GFM1: variants seen among roughly 807,000 people sequenced by gnomAD.
GFM1 encodes the protein elongation factor G, mitochondrial.
GFM1 carries 62 observed loss-of-function variants against 96.2 expected under a neutral mutation model. That is an observed-to-expected ratio of 0.64 (90% confidence interval 0.53 to 0.80). The LOEUF is 0.80. GFM1 is among the 30% of genes least tolerant of loss of function. The pLI is 0.00. For missense variants in GFM1, 852 were observed against 916.6 expected, an observed-to-expected ratio of 0.93 and a Z score of 0.91; for synonymous variants, 282 against 312.9, an observed-to-expected ratio of 0.90 and a Z score of 1.04.
chr3:158,668,033 T>C (rs540741463), intron 13 of GFM1, among the ~76,000 whole-genome samples: 5 of 152,264 alleles, frequency 3.3e-5, no homozygotes, highest in African/African-American at 1.2e-4. Flanking sequence ...TTCACTCTTC[T>C]GAAAGCACAG....
chr3:158,673,503 CTTTTCTTTTTTT>C (rs1724567504), intron 13 of GFM1, among the ~76,000 whole-genome samples: 1 of 104,870 alleles, frequency 9.5e-6, no homozygotes, highest in African/African-American at 4.5e-5. Flanking sequence ...TTTTTCTTTT[CTTTTCTTTTTTT>C]TTTTTTTTTT....
At chr3:158,690,759 GGAAAA>G (rs1726242715) in intron 16 of GFM1, among the ~76,000 whole-genome samples, 2 of 152,092 alleles carry the variant, frequency 1.3e-5, no homozygotes, top group Admixed American at 1.3e-4. Context: ...AAGGCCTCCT[GGAAAA>G]CACTACTCTC....
chr3:158,649,101 T>A lies in GFM1; in HGVS notation c.633T>A (p.Phe211Leu). ...MQIPMGLEGN[F>L]KGIVDLIEER... ...TACCCATGGGTTTGGAGGGTAATTT[T>A]AAAGGTATTGTAGATCTTATTGAGG... is the stretch of plus-strand genomic sequence containing the variant. Residue 211 changes from phenylalanine to leucine, a missense_variant, in exon 5 of 18, where the codon TTT becomes TTA. Transcript: ENST00000486715. 6.3e-7 allele frequency: 1 copy of A among 1,579,580 alleles called. No homozygotes were observed.
intron 7 of GFM1, among the ~76,000 whole-genome samples, chr3:158,654,250 G>A (rs547856627): frequency 3.7e-4 from 40 of 108,068 alleles, no homozygotes; most frequent in East Asian, 3.0e-3. Context: ...AGTCTTGCTC[G>A]GTTTCTAGGC....
chr3:158,672,690 T>C (rs1299052261), intron 13 of GFM1: 2 of 491,278 alleles, frequency 4.1e-6, no homozygotes, highest in Non-Finnish European at 7.3e-6. Context: ...GGCTGACTGC[T>C]TCTGAGGCCC....
intron 6 of GFM1, 135 bp from the exon 7 acceptor site, chr3:158,653,175 C>T: frequency 1.5e-6 from 1 of 660,888 alleles, no homozygotes; most frequent in Non-Finnish European, 2.5e-6. Context: ...CATTGGAGAC[C>T]TGATTTTAGT....
Position 158,692,713 on chromosome 3 carries a change from G to C in GFM1, c.*1246G>C, listed in dbSNP as rs1237582291. 1.3e-5 allele frequency: 2 copies of C among 150,488 alleles called. No individual in the cohort carries two copies. Among genetic ancestry groups the C allele is most frequent in the Non-Finnish European group, 1.5e-5 (1 of 67,746 alleles). 9.3% of individuals were successfully genotyped at this position (150,488 alleles called of 1,614,324 possible). On this transcript the variant is annotated 3_prime_UTR_variant, in exon 18 of 18. Coordinates refer to ENST00000486715, the MANE Select transcript of GFM1 (RefSeq NM_024996.7). ...TTTTTTTAATTTTTATTTTTTTGTG[G>C]TAGGGTCTCACTCTATCCCCCAGGC...
Position 158,646,737 on chromosome 3 carries a change from A to T in GFM1, c.368-6A>T, listed in dbSNP as rs769610645. ...TTAAGACCCTCTCATACTTCATCTT[A>T]TTCAGGGCATGTGGACTTCACAATA... On this transcript the variant is annotated splice_polypyrimidine_tract_variant and splice_region_variant and intron_variant, in intron 3 of 17. Coordinates refer to ENST00000486715, the MANE Select transcript of GFM1 (RefSeq NM_024996.7). 2.5e-6 allele frequency: 4 copies of T among 1,611,328 alleles called. No homozygotes were observed. The highest frequency in any genetic ancestry group is 3.4e-5 in the Admixed American group (2 of 59,684).
chr3:158,666,898 TA>T, intron 13 of GFM1: 1 of 1,482,768 alleles, frequency 6.7e-7, no homozygotes, highest in South Asian at 1.3e-5. Flanking sequence ...ATCTGGTGCC[TA>T]TCTGGATTTA....
At chr3:158,678,130 T>G (rs1231491556) in intron 13 of GFM1, among the ~76,000 whole-genome samples, 1 of 152,220 alleles carries the variant, frequency 6.6e-6, no homozygotes, top group Non-Finnish European at 1.5e-5. Context: ...AAAAAAATGA[T>G]TCTTTCAAAA....
chr3:158,644,769 C>A, intron 1 of GFM1, 54 bp downstream of exon 1: 1 of 1,462,684 alleles, frequency 6.8e-7, no homozygotes, highest in Non-Finnish European at 9.4e-7. Context: ...CTTGTGATCC[C>A]TTCTGGGCAA....
chr3:158,675,191 G>T (rs940293369), intron 13 of GFM1, among the ~76,000 whole-genome samples: 8 of 150,744 alleles, frequency 5.3e-5, no homozygotes, highest in Non-Finnish European at 1.0e-4. Flanking sequence ...GGAGGCTGAG[G>T]CAGGGAACTG....
chr3:158,656,433 A>G (rs9836299), intron 8 of GFM1: 63,730 of 153,572 alleles, frequency 0.41, 14,392 homozygotes, highest in African/African-American at 0.6. Context: ...GATTACAGGC[A>G]TGAGCCACCG....
At chr3:158,672,116 A>T (rs1724379038) in intron 13 of GFM1, among the ~76,000 whole-genome samples, 1 of 152,106 alleles carries the variant, frequency 6.6e-6, no homozygotes, top group Admixed American at 6.5e-5. Flanking sequence ...TGTGCGTAAA[A>T]ACTTTGTCTC....
In GFM1 at chr3:158,695,306, G is replaced by A. The variant is rs1212449365; in HGVS notation, c.*3839G>A. 1 of 152,104 alleles carries A rather than the reference G, an allele frequency of 6.6e-6. No individual in the cohort carries two copies. Among genetic ancestry groups the A allele is most frequent in the Non-Finnish European group, 1.5e-5 (1 of 68,080 alleles). The allele number at this position is 152,104 out of a possible 1,614,324, so 9.4% of individuals were successfully genotyped here. A position where few individuals can be genotyped will look rare whatever the true frequency, so the allele number is the denominator to read the frequency against. On this transcript the variant is annotated 3_prime_UTR_variant, in exon 18 of 18. Coordinates refer to ENST00000486715, the MANE Select transcript of GFM1 (RefSeq NM_024996.7). ...GGAGGGTCGCTTGAACCCGGAAGGC[G>A]GAGGCTATAGTGAGCTGAGATGGCA...
In GFM1 at chr3:158,660,916, G is replaced by A; in HGVS notation, c.1264G>A (p.Gly422Ser). The A allele has an allele frequency of 6.2e-7, 1 of 1,613,996 alleles. No homozygotes were observed. The highest frequency in any genetic ancestry group is 1.1e-5 in the South Asian group (1 of 91,074). Residue 422 changes from glycine to serine, a missense_variant, in exon 10 of 18, where the codon GGC becomes AGC. Gly to Ser is a moderately conservative substitution (Grantham distance 56). Transcript: ENST00000486715. Reference sequence around the variant, plus strand: ...TGCCGGAGACATCTGTGCATTGTTTGGCATTGACTGTGCTAGTGGAGACAC... The same window carrying A: ...TGCCGGAGACATCTGTGCATTGTTTAGCATTGACTGTGCTAGTGGAGACAC... ...VYAGDICALF[G>S]IDCASGDTFT...
chr3:158,660,959 A>C lies in GFM1; in HGVS notation c.1307A>C (p.Asn436Thr). ...GGAGACACATTCACAGACAAAGCCA[A>C]CAGCGGCCTTTCTATGGTAAGCCAT... Reference protein sequence around the residue: ...ASGDTFTDKANSGLSMESIHV... With the variant: ...ASGDTFTDKATSGLSMESIHV... The change falls in exon 10 of 18, where the codon AAC becomes ACC. Residue 436 changes from asparagine to threonine, a missense_variant. Coordinates refer to ENST00000486715, the MANE Select transcript of GFM1 (RefSeq NM_024996.7). 6.2e-7 allele frequency: 1 copy of C among 1,613,712 alleles called. No individual in the cohort carries two copies. The highest frequency in any genetic ancestry group is 1.1e-5 in the South Asian group (1 of 91,074).
intron 15 of GFM1, among the ~76,000 whole-genome samples, chr3:158,686,787 C>T (rs1027513730): frequency 8.4e-5 from 10 of 118,592 alleles, no homozygotes; most frequent in African/African-American, 2.0e-4. Context: ...AGCTGGAGTG[C>T]GGTGGTGCAA....
intron 9 of GFM1, among the ~76,000 whole-genome samples, chr3:158,659,614 C>T (rs759512779): frequency 3.3e-4 from 50 of 152,268 alleles, no homozygotes; most frequent in Middle Eastern, 3.4e-3. Context: ...CTTTGACTTA[C>T]GCCTTGAATT....
Sources: allele counts gnomAD v4.1 joint callset (sites outside exome capture counted in the v4.1 genomes callset), GRCh38; gene constraint gnomAD v4.1.1; transcripts MANE v1.5; gene names NCBI Gene and HGNC (gene_info 2026-07-23, HGNC 2026-07-21).